Variants in RBFOX1 observed in about 807,000 individuals in gnomAD.
RBFOX1 encodes RNA binding protein fox-1 homolog 1.
A neutral mutation model predicts 57.7 loss-of-function variants in RBFOX1; 8 were observed. The ratio of observed to expected loss-of-function variants is 0.14; its 90% CI spans 0.08 to 0.25. The LOEUF (loss-of-function observed/expected upper bound fraction) is 0.25, where lower values mean the gene tolerates loss of function less well. Among genes scored for constraint, RBFOX1 ranks in the 10% least tolerant of loss-of-function variants. The pLI, the probability that RBFOX1 is intolerant of heterozygous loss-of-function variation, is 1.00. For synonymous variants in RBFOX1, 326 were observed against 222.4 expected, an observed-to-expected ratio of 1.47 and a Z score of -4.15; for missense variants, 611 against 548.5, an observed-to-expected ratio of 1.11 and a Z score of -1.14.
intron 3 of RBFOX1, among the ~76,000 whole-genome samples, chr16:6,901,578 C>G (rs1596618327): frequency 6.6e-6 from 1 of 152,142 alleles, no homozygotes; most frequent in Non-Finnish European, 1.5e-5. Context: ...TTCAACTCCT[C>G]AATTATGCTG....
intron 3 of RBFOX1, among the ~76,000 whole-genome samples, chr16:7,024,498 G>A (rs1397245997): frequency 6.6e-6 from 1 of 152,136 alleles, no homozygotes; most frequent in African/African-American, 2.4e-5. Flanking sequence ...ATAATAAGCA[G>A]TAGTTATAGG....
intron 11 of RBFOX1, among the ~76,000 whole-genome samples, chr16:7,652,770 C>T (rs2065359704): frequency 6.6e-6 from 1 of 152,146 alleles, no homozygotes; most frequent in African/African-American, 2.4e-5. Flanking sequence ...ATGCTGGTTG[C>T]CTTTGCCTTT....
chr16:7,227,290 A>AC (rs113618012), intron 4 of RBFOX1, among the ~76,000 whole-genome samples: 29,964 of 104,510 alleles, frequency 0.29, 5,308 homozygotes, highest in Middle Eastern at 0.5. Flanking sequence ...ACCCCACCCC[A>AC]CCCCCACACA....
At chr16:6,569,485 A>G (rs2097314188) in intron 2 of RBFOX1, among the ~76,000 whole-genome samples, 1 of 152,218 alleles carries the variant, frequency 6.6e-6, no homozygotes, top group African/African-American at 2.4e-5. Flanking sequence ...GTTGCTTCCC[A>G]TAGCTTATCC....
intron 2 of RBFOX1, among the ~76,000 whole-genome samples, chr16:6,535,818 G>T (rs749324878): frequency 1.3e-5 from 2 of 152,194 alleles, no homozygotes. Flanking sequence ...TGTTACACAA[G>T]CTCAGTTTCT....
intron 2 of RBFOX1, among the ~76,000 whole-genome samples, chr16:6,365,429 T>C (rs1161984287): frequency 6.6e-6 from 1 of 151,608 alleles, no homozygotes; most frequent in Non-Finnish European, 1.5e-5. Flanking sequence ...GGTGGATGGG[T>C]AGATGAGTGA....
rs144034396 is a variant in RBFOX1, at chr16:7,092,860, G to C, written c.27+40762G>C. Among the ~76,000 whole-genome samples, 261 of 152,240 alleles carry C rather than the reference G, an allele frequency of 1.7e-3. 2 individuals are homozygous for C. Among genetic ancestry groups the C allele is most frequent in the African/African-American group, 5.7e-3 (237 of 41,542 alleles). ...TACCAAATCGAAGGCTGGGACATCC[G>C]CCTTTTCACAGTGATTCTTCTTTCC... On this transcript the variant is annotated intron_variant, in intron 4 of 15. Coordinates refer to ENST00000550418, the MANE Select transcript of RBFOX1 (RefSeq NM_018723.4).
chr16:7,633,676 A>T (rs2061332349), intron 11 of RBFOX1, among the ~76,000 whole-genome samples: 1 of 152,196 alleles, frequency 6.6e-6, no homozygotes, highest in Non-Finnish European at 1.5e-5. Context: ...GTCAATCTCG[A>T]TTAGTATTTT....
chr16:6,242,098 A>G (rs2097542795), intron 1 of RBFOX1, among the ~76,000 whole-genome samples: 1 of 152,202 alleles, frequency 6.6e-6, no homozygotes, highest in Non-Finnish European at 1.5e-5. Flanking sequence ...GTGGTTTTTA[A>G]TGTATCTTTG....
At chr16:7,698,155 C>T (rs997844612) in intron 14 of RBFOX1, among the ~76,000 whole-genome samples, 10 of 150,340 alleles carry the variant, frequency 6.7e-5, no homozygotes, top group African/African-American at 2.5e-4. Flanking sequence ...CAGGTTGAAA[C>T]AGTTGTTTTA....
chr16:6,935,612 A>G (rs1312584050), intron 3 of RBFOX1, among the ~76,000 whole-genome samples: 1 of 152,212 alleles, frequency 6.6e-6, no homozygotes, highest in African/African-American at 2.4e-5. Flanking sequence ...TTGTGCATGT[A>G]CACACAAGCA....
rs140071909 is a variant in RBFOX1, at chr16:6,593,536, C to T, written c.-63-61067C>T. Among the ~76,000 whole-genome samples, 27 of 152,188 alleles carry T rather than the reference C, an allele frequency of 1.8e-4. No individual in the cohort carries two copies. The East Asian group carries it at 3.5e-3, about 20-fold the overall frequency. ...GCTGACAATGGGATCCATCTAGAATCGAGGATTGTGGCTTTGCTTTGGTCC... is the reference window on the plus strand; with the variant it reads ...GCTGACAATGGGATCCATCTAGAATTGAGGATTGTGGCTTTGCTTTGGTCC... On this transcript the variant is annotated intron_variant, in intron 2 of 15. Coordinates refer to ENST00000550418, the MANE Select transcript of RBFOX1 (RefSeq NM_018723.4).
chr16:6,836,298 T>A (rs1646007163), intron 3 of RBFOX1, among the ~76,000 whole-genome samples: 1 of 152,230 alleles, frequency 6.6e-6, no homozygotes, highest in African/African-American at 2.4e-5. Context: ...AGTTAAGGAT[T>A]TTCAGCTCTG....
chr16:6,571,989 C>A (rs149345706), intron 2 of RBFOX1, among the ~76,000 whole-genome samples: 242 of 152,160 alleles, frequency 1.6e-3, no homozygotes, highest in African/African-American at 5.0e-3. Context: ...TGGTGATAGC[C>A]TTTCACATTT....
chr16:7,103,919 C>T (rs937463242), intron 4 of RBFOX1, among the ~76,000 whole-genome samples: 11 of 152,174 alleles, frequency 7.2e-5, no homozygotes, highest in Admixed American at 7.2e-4. Flanking sequence ...CTGAGTCTCT[C>T]TTTCAAACAT....
At chr16:5,255,154 C>T (rs1379150593) in intron 1 of RBFOX1, among the ~76,000 whole-genome samples, 1 of 152,170 alleles carries the variant, frequency 6.6e-6, no homozygotes, top group Non-Finnish European at 1.5e-5. Flanking sequence ...AGGGTGGTGA[C>T]TAAGGCTGAC....
At chr16:7,007,416 C>T (rs2093364435) in intron 3 of RBFOX1, among the ~76,000 whole-genome samples, 1 of 152,210 alleles carries the variant, frequency 6.6e-6, no homozygotes, top group Non-Finnish European at 1.5e-5. Context: ...GGGATTTTCC[C>T]CAATAATCCA....
intron 3 of RBFOX1, among the ~76,000 whole-genome samples, chr16:5,607,148 C>T (rs563115799): frequency 7.2e-4 from 110 of 152,330 alleles, no homozygotes; most frequent in African/African-American, 2.5e-3. Flanking sequence ...GCCCAGACTC[C>T]TGGGCACGCT....
At chr16:6,495,212 G>A (rs1053501697) in intron 2 of RBFOX1, among the ~76,000 whole-genome samples, 7 of 152,048 alleles carry the variant, frequency 4.6e-5, no homozygotes, top group East Asian at 1.9e-4. Context: ...TCTGCCTCCC[G>A]GATTCAAGCG....
Sources: allele counts gnomAD v4.1 joint callset (sites outside exome capture counted in the v4.1 genomes callset), GRCh38; gene constraint gnomAD v4.1.1; transcripts MANE v1.5; gene names NCBI Gene and HGNC (gene_info 2026-07-23, HGNC 2026-07-21).